BICDL1: variants seen among roughly 807,000 people sequenced by gnomAD.
BICDL1 encodes BICD family like cargo adaptor 1.
BICDL1 carries 20 observed loss-of-function variants against 76.8 expected under a neutral mutation model. The observed-to-expected ratio is 0.26, with a 90% CI of 0.18 to 0.38. The LOEUF (loss-of-function observed/expected upper bound fraction) is 0.38. Ranked by LOEUF, BICDL1 falls within the 10% of genes least tolerant of loss-of-function variation. The pLI, the probability that BICDL1 is intolerant of heterozygous loss-of-function variation, is 1.00. For missense variants in BICDL1, 700 were observed against 798.6 expected (o/e 0.88, Z 1.49); for synonymous variants, 383 against 337.1 (o/e 1.14, Z -1.49).
At chr12:120,032,223 T>G (rs759267299) in intron 2 of BICDL1, among the ~76,000 whole-genome samples, 1 of 152,228 alleles carries the variant, frequency 6.6e-6, no homozygotes, top group Non-Finnish European at 1.5e-5. Context: ...GAGTCCAGAA[T>G]AAGTTGGTGC....
chr12:120,052,630 TAATA>T (rs1252843940), intron 2 of BICDL1, among the ~76,000 whole-genome samples: 1 of 152,172 alleles, frequency 6.6e-6, no homozygotes. Flanking sequence ...CCTTTGTTAT[TAATA>T]AATCAGTAAA....
intron 2 of BICDL1, among the ~76,000 whole-genome samples, chr12:120,034,035 A>T (rs1952484069): frequency 6.6e-6 from 1 of 152,226 alleles, no homozygotes; most frequent in African/African-American, 2.4e-5. Context: ...AGATACAGGC[A>T]TACTTTCTCA....
At chr12:119,993,885 G>A (rs1380386181) in intron 1 of BICDL1, among the ~76,000 whole-genome samples, 1 of 152,164 alleles carries the variant, frequency 6.6e-6, no homozygotes, top group Non-Finnish European at 1.5e-5. Flanking sequence ...CAAAGTGCTG[G>A]GATTATAGGC....
In BICDL1 at chr12:119,989,754, T is replaced by G. The variant is rs1403725794; in HGVS notation, c.-115T>G. ...GGGCTCGCGGGGACCCGGGGGCGCG[T>G]GCCGCGGCGCGAGGCGAGGCGCGGG... On this transcript the variant is annotated 5_prime_UTR_variant, in exon 1 of 10. Coordinates refer to ENST00000548673, the MANE Select transcript of BICDL1 (RefSeq NM_001367886.1). 2 of 307,994 alleles carry G rather than the reference T, an allele frequency of 6.5e-6. No individual in the cohort carries two copies. Among genetic ancestry groups the G allele is most frequent in the Non-Finnish European group, 9.2e-6 (2 of 216,956 alleles). The allele number at this position is 307,994 out of a possible 1,614,324, so 19.1% of individuals were successfully genotyped here. A position where few individuals can be genotyped will look rare whatever the true frequency, so the allele number is the denominator to read the frequency against.
intron 2 of BICDL1, among the ~76,000 whole-genome samples, chr12:120,017,234 C>T (rs946869951): frequency 6.6e-6 from 1 of 152,140 alleles, no homozygotes; most frequent in Non-Finnish European, 1.5e-5. Flanking sequence ...TAAAACAACA[C>T]AGGGATTGAG....
intron 2 of BICDL1, among the ~76,000 whole-genome samples, chr12:120,052,523 A>G (rs977652213): frequency 6.6e-6 from 1 of 152,224 alleles, no homozygotes; most frequent in East Asian, 1.9e-4. Context: ...ACAAAAGTAC[A>G]GTTGGGCCCT....
chr12:120,001,886 C>CA (rs887327175), intron 2 of BICDL1, among the ~76,000 whole-genome samples: 9 of 151,744 alleles, frequency 5.9e-5, no homozygotes, highest in Non-Finnish European at 7.4e-5. Flanking sequence ...CCTGTCTTTA[C>CA]AAAAAAAATG....
rs1337956705 is a variant in BICDL1, at chr12:120,071,316, ATT to A, written c.910-302_910-301del. On this transcript the variant is annotated intron_variant, in intron 4 of 9. Coordinates refer to ENST00000548673, the MANE Select transcript of BICDL1 (RefSeq NM_001367886.1). The surrounding 1 kb of genome is among the most constrained non-coding windows in gnomAD (Gnocchi z 4.8). ...GCCACCACGCCCAGCTAATTTTTGT[ATT>A]TTTAGTAGAGGCAGGGTTTCATCAT... Among the ~76,000 whole-genome samples the A allele has an allele frequency of 6.7e-6, 1 of 149,342 alleles. No homozygotes were observed. Among genetic ancestry groups the A allele is most frequent in the Non-Finnish European group, 1.5e-5 (1 of 67,238 alleles).
At position 120,029,749 on chromosome 12, in the gene BICDL1, G is replaced by A. The variant is rs1042308207; in HGVS notation, c.645+31013G>A. Among the ~76,000 whole-genome samples the A allele has an allele frequency of 7.5e-5, 11 of 145,834 alleles. No homozygotes were observed. The East Asian group carries it at 1.5e-3, about 20-fold the overall frequency. On this transcript the variant is annotated intron_variant, in intron 2 of 9. Coordinates refer to ENST00000548673, the MANE Select transcript of BICDL1 (RefSeq NM_001367886.1). ...GATCTCACTGCAGCCTCCACCCGCC[G>A]GTTCAAGTAATTATCCTGCCTCAGC...
Position 120,011,718 on chromosome 12 carries a change from A to C in BICDL1, c.645+12982A>C, listed in dbSNP as rs191486339. Among the ~76,000 whole-genome samples the C allele has an allele frequency of 5.0e-3, 757 of 152,332 alleles. 7 individuals carry two copies. The highest frequency in any genetic ancestry group is 0.017 in the African/African-American group (720 of 41,584). ...TAGGTAGAATAACATTAACTGTTAT[A>C]ATACATAAACCCTAAGCTCTCAATG... On this transcript the variant is annotated intron_variant, in intron 2 of 9. Coordinates refer to ENST00000548673, the MANE Select transcript of BICDL1 (RefSeq NM_001367886.1).
intron 2 of BICDL1, among the ~76,000 whole-genome samples, chr12:120,036,800 C>T (rs563130335): frequency 9.2e-5 from 14 of 152,172 alleles, no homozygotes; most frequent in Admixed American, 3.3e-4. Context: ...CACTTGAACC[C>T]GGAAGGCGGA....
chr12:120,032,087 A>G (rs896704542), intron 2 of BICDL1, among the ~76,000 whole-genome samples: 1 of 152,136 alleles, frequency 6.6e-6, no homozygotes, highest in Non-Finnish European at 1.5e-5. Flanking sequence ...GTGAGACCCT[A>G]TTTCAAAAAG....
chr12:119,996,038 A>G (rs970123500), intron 1 of BICDL1, among the ~76,000 whole-genome samples: 1 of 152,148 alleles, frequency 6.6e-6, no homozygotes, highest in Non-Finnish European at 1.5e-5. Context: ...CAAGGGATGC[A>G]TAGAGCAAAA....
chr12:120,093,683 T>C lies in BICDL1; in HGVS notation c.*522T>C. ...GGGTCAAAGGAGAGATGGCAGCCCCTCCCCCGCATGCATGCACCTCAGCTG... is the reference window on the plus strand; with the variant it reads ...GGGTCAAAGGAGAGATGGCAGCCCCCCCCCCGCATGCATGCACCTCAGCTG... On this transcript the variant is annotated 3_prime_UTR_variant, in exon 10 of 10. Coordinates refer to ENST00000548673, the MANE Select transcript of BICDL1 (RefSeq NM_001367886.1). 1.2e-5 allele frequency: 2 copies of C among 168,998 alleles called. No homozygotes were observed. The highest frequency in any genetic ancestry group is 2.4e-5 in the African/African-American group (1 of 41,608). The allele number at this position is 168,998 out of a possible 1,614,324, so 10.5% of individuals were successfully genotyped here.
intron 7 of BICDL1, among the ~76,000 whole-genome samples, chr12:120,076,863 T>A (rs1274474600): frequency 6.6e-6 from 1 of 152,250 alleles, no homozygotes. Flanking sequence ...CATGGCGTTC[T>A]GCATGCAAGG....
chr12:120,050,448 T>C (rs1449120420), intron 2 of BICDL1, among the ~76,000 whole-genome samples: 1 of 151,394 alleles, frequency 6.6e-6, no homozygotes, highest in African/African-American at 2.4e-5. Flanking sequence ...TTTGTGTTTT[T>C]AGTAGAGACA....
intron 7 of BICDL1, among the ~76,000 whole-genome samples, chr12:120,080,347 T>G (rs1423114129): frequency 6.6e-6 from 1 of 152,134 alleles, no homozygotes; most frequent in East Asian, 1.9e-4. Context: ...CACTTAGGTG[T>G]CTAAGTTCCC....
At chr12:120,021,798 G>A (rs908833150) in intron 2 of BICDL1, among the ~76,000 whole-genome samples, 4 of 151,324 alleles carry the variant, frequency 2.6e-5, no homozygotes, top group African/African-American at 7.3e-5. Flanking sequence ...CCAGCTACTC[G>A]GGAGGCTGAG....
intron 4 of BICDL1, among the ~76,000 whole-genome samples, chr12:120,066,123 C>T (rs184650341): frequency 1.3e-5 from 2 of 152,286 alleles, no homozygotes; most frequent in East Asian, 3.9e-4. Context: ...GTGCTTTTAG[C>T]ATACATCATA....
Sources: allele counts gnomAD v4.1 joint callset (sites outside exome capture counted in the v4.1 genomes callset), GRCh38; gene constraint gnomAD v4.1.1; non-coding constraint Gnocchi (gnomAD v3.1); transcripts MANE v1.5; gene names NCBI Gene and HGNC (gene_info 2026-07-23, HGNC 2026-07-21).